The following TRIM5 variants were observed in gnomAD, a reference collection of about 807,000 sequenced individuals.
TRIM5 encodes the protein tripartite motif containing 5.
TRIM5 carries 31 observed loss-of-function variants against 35.6 expected under a neutral mutation model. The ratio of observed to expected loss-of-function variants is 0.87; its 90% confidence interval spans 0.65 to 1.18. The LOEUF is 1.18. Ranked by LOEUF, TRIM5 falls within the 50% of genes most tolerant of loss-of-function variation. The pLI, the probability that TRIM5 is intolerant of heterozygous loss-of-function variation, is 0.00. For missense variants in TRIM5, 609 were observed against 591.6 expected, an observed-to-expected ratio of 1.03 and a Z score of -0.31; for synonymous variants, 243 against 215.6, an observed-to-expected ratio of 1.13 and a Z score of -1.11.
chr11:5,657,577 T>TA, the TRIM5 span, among the ~76,000 whole-genome samples: 1 of 101,808 alleles, frequency 9.8e-6, no homozygotes, highest in African/African-American at 4.2e-5. Context: ...TATTTATATA[T>TA]TATATATAAT....
the TRIM5 span, among the ~76,000 whole-genome samples, chr11:5,592,427 C>T: frequency 6.6e-6 from 1 of 152,124 alleles, no homozygotes; most frequent in Admixed American, 6.5e-5. Context: ...GGTTAAGTAA[C>T]TTGCCCCAAA....
At chr11:5,632,540 C>A in the TRIM5 span, 2 of 1,613,892 alleles carry the variant, frequency 1.2e-6, no homozygotes, top group Non-Finnish European at 1.7e-6. Flanking sequence ...CATCTACAGG[C>A]TAATCAGCAT....
the TRIM5 span, among the ~76,000 whole-genome samples, chr11:5,607,227 CA>C: frequency 6.6e-6 from 1 of 152,048 alleles, no homozygotes; most frequent in Non-Finnish European, 1.5e-5. Flanking sequence ...ATTTTATAGC[CA>C]AGATAAAAGC....
At chr11:5,603,373 C>A in the TRIM5 span, 3 of 1,614,064 alleles carry the variant, frequency 1.9e-6, no homozygotes. Flanking sequence ...CTGCCTGGAG[C>A]TCCTAACAGA....
the TRIM5 span, among the ~76,000 whole-genome samples, chr11:5,591,283 A>T: frequency 6.6e-6 from 1 of 152,252 alleles, no homozygotes; most frequent in Non-Finnish European, 1.5e-5. Context: ...TTGCCTCTTG[A>T]CATACAAGCC....
At chr11:5,675,922 A>C (rs202056556) in intron 4 of TRIM5, among the ~76,000 whole-genome samples, 18,543 of 106,798 alleles carry the variant, frequency 0.17, 2,374 homozygotes, top group East Asian at 0.49. Context: ...TCATTGTTCA[A>C]TTCCCACCTA....
At chr11:5,678,809 C>T (rs1009917065) in intron 3 of TRIM5, among the ~76,000 whole-genome samples, 10 of 152,092 alleles carry the variant, frequency 6.6e-5, no homozygotes, top group African/African-American at 9.7e-5. Context: ...AGTAGAGTCA[C>T]GGACTCAAAA....
At chr11:5,634,979 T>C in the TRIM5 span, 1 of 1,052,888 alleles carries the variant, frequency 9.5e-7, no homozygotes, top group Non-Finnish European at 1.3e-6. Flanking sequence ...CGCCTTGTCG[T>C]CCATTCTAGA....
the TRIM5 span, chr11:5,605,431 T>C: frequency 6.2e-7 from 1 of 1,614,110 alleles, no homozygotes; most frequent in Non-Finnish European, 8.5e-7. Flanking sequence ...CTGAAAAAGC[T>C]GGAACAGGAA....
chr11:5,656,941 C>T, the TRIM5 span, among the ~76,000 whole-genome samples: 1 of 152,176 alleles, frequency 6.6e-6, no homozygotes, highest in African/African-American at 2.4e-5. Flanking sequence ...TACCATTTGA[C>T]ACAGTAATCC....
At chr11:5,678,782 G>A (rs1262745393) in intron 3 of TRIM5, among the ~76,000 whole-genome samples, 4 of 152,120 alleles carry the variant, frequency 2.6e-5, no homozygotes, top group African/African-American at 9.7e-5. Context: ...ATGAGCCATT[G>A]CCAAATGTCT....
the TRIM5 span, chr11:5,641,289 A>C: frequency 6.3e-6 from 10 of 1,586,804 alleles, no homozygotes; most frequent in Non-Finnish European, 8.6e-6. Flanking sequence ...AATCTCCCAG[A>C]GTAGTAAAAT....
chr11:5,628,642 G>T, the TRIM5 span, among the ~76,000 whole-genome samples: 1 of 152,110 alleles, frequency 6.6e-6, no homozygotes, highest in African/African-American at 2.4e-5. Context: ...TTCCTAAGTT[G>T]TCACACATCA....
the TRIM5 span, among the ~76,000 whole-genome samples, chr11:5,615,724 G>C: frequency 6.6e-6 from 1 of 151,684 alleles, no homozygotes; most frequent in African/African-American, 2.4e-5. Context: ...CTCCCGAGTA[G>C]CTGGGATTAC....
chr11:5,608,634 A>G, the TRIM5 span, among the ~76,000 whole-genome samples: 2 of 151,988 alleles, frequency 1.3e-5, no homozygotes, highest in South Asian at 4.1e-4. Flanking sequence ...TAGAATAAAG[A>G]GTTGCAGTAT....
Position 5,680,031 on chromosome 11 carries a change from G to T in TRIM5, c.147C>A (p.Asp49Glu), listed in dbSNP as rs768816295. 6 of 1,614,114 alleles carry T rather than the reference G, an allele frequency of 3.7e-6. No homozygotes were observed. Among genetic ancestry groups the T allele is most frequent in the Non-Finnish European group, 5.1e-6 (6 of 1,180,020 alleles). ...LTANHKKSML[D>E]KGESSCPVCR... ...ACACAGGGCAGCTACTCTCTCCTTT[G>T]TCTAGCATGGACTTCTTGTGGTTTG... The change falls in exon 2 of 8, where the codon GAC becomes GAA. Residue 49 changes from aspartate to glutamate, a missense_variant. Transcript: ENST00000380034.
At chr11:5,649,495 G>T in the TRIM5 span, among the ~76,000 whole-genome samples, 1 of 152,120 alleles carries the variant, frequency 6.6e-6, no homozygotes. Flanking sequence ...CTACATTGTG[G>T]AGTAGTTGTT....
chr11:5,615,591 GTT>G, the TRIM5 span, among the ~76,000 whole-genome samples: 1 of 80,194 alleles, frequency 1.2e-5, no homozygotes, highest in South Asian at 2.9e-4. Flanking sequence ...TTTTTTTGTT[GTT>G]GTTGTTGTTT....
At chr11:5,642,750 AATAT>A in the TRIM5 span, 1 of 1,599,974 alleles carries the variant, frequency 6.3e-7, no homozygotes, top group Non-Finnish European at 8.5e-7. Context: ...TACTCTAAAG[AATAT>A]ATAGGTATCA....
Sources: gnomAD v4.1 joint callset for allele counts (sites outside exome capture counted in the v4.1 genomes callset) on GRCh38, gnomAD v4.1.1 for gene constraint, MANE v1.5 for transcripts, NCBI Gene and HGNC (gene_info 2026-07-23, HGNC 2026-07-21) for gene names.